Variants in NPRL3 observed in about 807,000 individuals in gnomAD.
NPRL3 encodes the protein NPR3 like, GATOR1 complex subunit.
A neutral mutation model predicts 57.2 loss-of-function variants in NPRL3; 23 were observed. That is an observed-to-expected ratio of 0.40 (90% CI 0.29 to 0.57). NPRL3 has a LOEUF of 0.57. Ranked by LOEUF, NPRL3 falls within the 20% of genes least tolerant of loss-of-function variation. NPRL3 has a pLI of 0.42. For synonymous variants in NPRL3, 333 were observed against 321.1 expected (o/e 1.04, Z -0.39); for missense variants, 691 against 767.1 (o/e 0.90, Z 1.17).
At chr16:96,648 C>CAAAAAA (rs68086908) in intron 9 of NPRL3, among the ~76,000 whole-genome samples, 31 of 100,226 alleles carry the variant, frequency 3.1e-4, no homozygotes, top group African/African-American at 1.2e-3. Context: ...CCGTCTCTAC[C>CAAAAAA]AAAAAAAAAA....
chr16:132,501 T>C (rs528346089), intron 2 of NPRL3, among the ~76,000 whole-genome samples: 2 of 152,336 alleles, frequency 1.3e-5, no homozygotes, highest in Non-Finnish European at 2.9e-5. Flanking sequence ...AGAGCTGGAA[T>C]CAACTTTTTC....
intron 6 of NPRL3, among the ~76,000 whole-genome samples, chr16:112,340 A>G (rs936282770): frequency 1.6e-4 from 24 of 152,328 alleles, no homozygotes; most frequent in African/African-American, 5.1e-4. Context: ...CCCCGTGTGA[A>G]GATCATGTAA....
intron 7 of NPRL3, among the ~76,000 whole-genome samples, chr16:107,810 A>C (rs1413244187): frequency 6.6e-6 from 1 of 152,186 alleles, no homozygotes; most frequent in African/African-American, 2.4e-5. Flanking sequence ...CTACAGGAGC[A>C]CACCACCGCA....
At chr16:106,321 A>T (rs1285761802) in intron 7 of NPRL3, among the ~76,000 whole-genome samples, 1 of 151,410 alleles carries the variant, frequency 6.6e-6, no homozygotes, top group Non-Finnish European at 1.5e-5. Flanking sequence ...CAAACAAATA[A>T]ATAAATAAAT....
chr16:107,821 C>T (rs970642622), intron 7 of NPRL3, among the ~76,000 whole-genome samples: 2 of 152,160 alleles, frequency 1.3e-5, no homozygotes, highest in African/African-American at 2.4e-5. Flanking sequence ...CACCACCGCA[C>T]CAGCTTGGTT....
chr16:97,594 GA>G (rs1454966142), intron 9 of NPRL3, among the ~76,000 whole-genome samples: 2 of 152,062 alleles, frequency 1.3e-5, no homozygotes, highest in Admixed American at 6.5e-5. Flanking sequence ...CATCTAATCA[GA>G]AAGGGCAGCC....
In NPRL3 at chr16:85,476, C is replaced by A. The variant is rs1898410832; in HGVS notation, c.*1229G>T. On this transcript the variant is annotated 3_prime_UTR_variant, in exon 14 of 14. Transcript: ENST00000611875. ...GAGACCATGCGTCAGCTTCGCAGCA[C>A]CCTCCGGAAAGGCACCGCCAGCCGT... is the stretch of plus-strand genomic sequence containing the variant. The A allele has an allele frequency of 6.2e-7, 1 of 1,613,052 alleles. No individual in the cohort carries two copies. Among genetic ancestry groups the A allele is most frequent in the Admixed American group, 1.7e-5 (1 of 60,004 alleles).
intron 9 of NPRL3, among the ~76,000 whole-genome samples, chr16:96,586 T>C (rs1028313488): frequency 1.4e-5 from 2 of 144,090 alleles, no homozygotes; most frequent in Admixed American, 7.3e-5. Context: ...CAAGGTGCGA[T>C]GATCACTTGA....
chr16:111,495 C>G (rs541665726), intron 6 of NPRL3, among the ~76,000 whole-genome samples: 37 of 151,832 alleles, frequency 2.4e-4, no homozygotes, highest in African/African-American at 8.9e-4. Context: ...GTCACCCTTG[C>G]TGGAGTGCAG....
At chr16:117,585 C>T in intron 4 of NPRL3, among the ~76,000 whole-genome samples, 1 of 152,166 alleles carries the variant, frequency 6.6e-6, no homozygotes, top group East Asian at 1.9e-4. Context: ...CTGACCCCCT[C>T]GCCCCCCCGC....
chr16:130,010 C>T (rs1438368979), intron 3 of NPRL3, among the ~76,000 whole-genome samples: 1 of 152,138 alleles, frequency 6.6e-6, no homozygotes, highest in African/African-American at 2.4e-5. Context: ...CAGGAAGGAA[C>T]CGGATCCACC....
At position 85,484 on chromosome 16, in the gene NPRL3, A is replaced by T. The variant is rs1228239182; in HGVS notation, c.*1221T>A. ...GCGTCAGCTTCGCAGCACCCTCCGGAAAGGCACCGCCAGCCGTGTCCTCAA... is the reference window on the plus strand; with the variant it reads ...GCGTCAGCTTCGCAGCACCCTCCGGTAAGGCACCGCCAGCCGTGTCCTCAA... On this transcript the variant is annotated 3_prime_UTR_variant, in exon 14 of 14. Coordinates refer to ENST00000611875, the MANE Select transcript of NPRL3 (RefSeq NM_001077350.3). The T allele has an allele frequency of 1.2e-6, 2 of 1,613,090 alleles. No individual in the cohort carries two copies. Among genetic ancestry groups the T allele is most frequent in the Non-Finnish European group, 1.7e-6 (2 of 1,180,032 alleles).
rs1355089866 is a variant in NPRL3 at position 126,459 on chromosome 16, A to T, written c.188+4063T>A. 3.3e-5 allele frequency: 5 copies of T among 150,094 alleles called. No homozygotes were observed. The East Asian group carries it at 9.7e-4, about 29-fold the overall frequency. 9.3% of individuals were successfully genotyped at this position (150,094 alleles called of 1,614,324 possible). A position where few individuals can be genotyped will look rare whatever the true frequency, so the allele number is the denominator to read the frequency against. ...ATAATAATAATAATTAATAATAATA[A>T]TAATAATATGATTTCAGAGCATTTT... On this transcript the variant is annotated intron_variant, in intron 3 of 13. Coordinates refer to ENST00000611875, the MANE Select transcript of NPRL3 (RefSeq NM_001077350.3).
At chr16:119,020 C>T in intron 4 of NPRL3, 106 bp downstream of exon 4, 1 of 1,431,148 alleles carries the variant, frequency 7.0e-7, no homozygotes, top group Middle Eastern at 2.6e-4. Context: ...CCAGGGGAAG[C>T]CACACCTGCC....
At chr16:138,034 G>A (rs1288625215) in intron 2 of NPRL3, 116 bp downstream of exon 2, 9 of 705,422 alleles carry the variant, frequency 1.3e-5, no homozygotes, top group Admixed American at 2.7e-5. Flanking sequence ...ACTCTACAAC[G>A]AGCAGATCTC....
intron 13 of NPRL3, among the ~76,000 whole-genome samples, chr16:87,180 T>C (rs1898514117): frequency 1.3e-5 from 2 of 152,110 alleles, no homozygotes; most frequent in South Asian, 2.1e-4. Context: ...TGGCTTCTTT[T>C]TCGTGCTACA....
At chr16:110,629 T>C in intron 6 of NPRL3, 23 bp from the exon 7 acceptor site, 1 of 1,584,010 alleles carries the variant, frequency 6.3e-7, no homozygotes, top group South Asian at 1.1e-5. Context: ...CAACACAAGA[T>C]TTACAGCTCC....
At chr16:103,787 T>C (rs578181167) in intron 7 of NPRL3, among the ~76,000 whole-genome samples, 1 of 152,272 alleles carries the variant, frequency 6.6e-6, no homozygotes, top group African/African-American at 2.4e-5. Context: ...GAGACCAGCC[T>C]GGCCAACATG....
chr16:86,851 C>T lies in NPRL3; in HGVS notation c.1564G>A (p.Gly522Ser), dbSNP rs752985390. ...ATAATCTCCTCCAGGTGGTGGCGGC[C>T]GCGGAAGTAGTGAAGGAGCCTGGAA... The part of the protein sequence containing the change: ...MFARLLHYFR[G>S]RHHLEEIMYN... The change falls in exon 14 of 14, where the codon GGC becomes AGC. Residue 522 changes from glycine (G) to serine (S), a missense_variant. By Grantham distance (56) the Gly-to-Ser change is moderately conservative (BLOSUM62 0). Transcript: ENST00000611875. The T allele has an allele frequency of 4.3e-6, 7 of 1,613,196 alleles. No homozygotes were observed. Among genetic ancestry groups the T allele is most frequent in the East Asian group, 2.2e-5 (1 of 44,874 alleles).
Sources: gnomAD v4.1 joint callset for allele counts (sites outside exome capture counted in the v4.1 genomes callset) on GRCh38, gnomAD v4.1.1 for gene constraint, MANE v1.5 for transcripts, NCBI Gene and HGNC (gene_info 2026-07-23, HGNC 2026-07-21) for gene names.